GRIN2B: variants seen among roughly 807,000 people sequenced by gnomAD.
GRIN2B encodes the protein glutamate receptor ionotropic, NMDA 2B.
GRIN2B carries 5 observed loss-of-function variants against 114.5 expected under a neutral mutation model. The observed-to-expected ratio is 0.04, with a 90% CI of 0.02 to 0.09. GRIN2B has a LOEUF of 0.09. Ranked by LOEUF, GRIN2B falls within the 10% of genes least tolerant of loss-of-function variation. GRIN2B has a pLI of 1.00. For missense variants in GRIN2B, 1,108 were observed against 1,943.5 expected (o/e 0.57, Z 8.08); for synonymous variants, 787 against 745.1 (o/e 1.06, Z -0.92).
chr12:13,586,544 T>C (rs1948927871), intron 10 of GRIN2B, among the ~76,000 whole-genome samples: 1 of 152,160 alleles, frequency 6.6e-6, no homozygotes, highest in Non-Finnish European at 1.5e-5. Context: ...TGTGCCTGTC[T>C]CACACAGGAG....
At chr12:13,734,950 ATGT>A (rs748999745) in intron 4 of GRIN2B, among the ~76,000 whole-genome samples, 4 of 152,160 alleles carry the variant, frequency 2.6e-5, no homozygotes, top group African/African-American at 7.2e-5. Context: ...ATGTTATTTG[ATGT>A]TGTGAGATCA....
intron 3 of GRIN2B, among the ~76,000 whole-genome samples, chr12:13,806,061 CCTT>C (rs1864594363): frequency 6.6e-6 from 1 of 152,128 alleles, no homozygotes. Context: ...GACACAACTT[CCTT>C]CTTTTTTAAG....
At chr12:13,781,710 T>C (rs1289227763) in intron 3 of GRIN2B, among the ~76,000 whole-genome samples, 2 of 152,146 alleles carry the variant, frequency 1.3e-5, no homozygotes, top group East Asian at 3.9e-4. Flanking sequence ...AAATGCCAAT[T>C]ATAGCACAGT....
intron 3 of GRIN2B, among the ~76,000 whole-genome samples, chr12:13,839,939 T>C (rs1394844439): frequency 6.6e-6 from 1 of 152,218 alleles, no homozygotes; most frequent in Non-Finnish European, 1.5e-5. Context: ...TATGCATGTA[T>C]ATTTATCCCA....
In GRIN2B at chr12:13,552,875, CAATGA is replaced by C. The variant is rs1386322717; in HGVS notation, c.*9903_*9907del. ...ATAATTGTCCTACCCACTCCTGTCTCAATGAAGAGTGGACTTTCTTCACTTTTTTT... is the reference window on the plus strand; with the variant it reads ...ATAATTGTCCTACCCACTCCTGTCTCAGAGTGGACTTTCTTCACTTTTTTT... On this transcript the variant is annotated 3_prime_UTR_variant, in exon 14 of 14. Transcript: ENST00000609686. 1.3e-5 allele frequency: 2 copies of C among 152,102 alleles called. No homozygotes were observed. The highest frequency in any genetic ancestry group is 4.8e-5 in the African/African-American group (2 of 41,414). 9.4% of individuals were successfully genotyped at this position (152,102 alleles called of 1,614,324 possible).
intron 10 of GRIN2B, among the ~76,000 whole-genome samples, chr12:13,598,403 T>A (rs1469985348): frequency 6.6e-6 from 1 of 152,046 alleles, no homozygotes; most frequent in Non-Finnish European, 1.5e-5. Flanking sequence ...GAGAAACAGA[T>A]CTATCTGGCC....
At chr12:13,633,367 A>G (rs1417869269) in intron 5 of GRIN2B, among the ~76,000 whole-genome samples, 1 of 152,212 alleles carries the variant, frequency 6.6e-6, no homozygotes, top group East Asian at 1.9e-4. Context: ...AATGTTTGAG[A>G]ACTGCTGGTT....
At chr12:13,825,595 C>A (rs1270026375) in intron 3 of GRIN2B, among the ~76,000 whole-genome samples, 1 of 149,714 alleles carries the variant, frequency 6.7e-6, no homozygotes, top group Non-Finnish European at 1.5e-5. Context: ...CGGCTCACTG[C>A]AACCTCCACT....
intron 4 of GRIN2B, among the ~76,000 whole-genome samples, chr12:13,693,509 C>T (rs1950232159): frequency 1.3e-5 from 2 of 152,206 alleles, no homozygotes; most frequent in South Asian, 4.2e-4. Context: ...CAGCAGCACT[C>T]GTGGAGAGCC....
In GRIN2B at chr12:13,980,077, A is replaced by C. The variant is rs200805170; in HGVS notation, c.-168T>G. 1 of 152,320 alleles carries C rather than the reference A, an allele frequency of 6.6e-6. No homozygotes were observed. Among genetic ancestry groups the C allele is most frequent in the African/African-American group, 2.4e-5 (1 of 41,564 alleles). 9.4% of individuals were successfully genotyped at this position (152,320 alleles called of 1,614,324 possible). ...ATAATTTAAAATCCAATTTAGCGTA[A>C]ATTTTGTTTTAATCTTGTGTCTTGA... On this transcript the variant is annotated 5_prime_UTR_variant, in exon 2 of 14. The change creates a new upstream start codon in the 5' untranslated region. Transcript: ENST00000609686.
intron 3 of GRIN2B, among the ~76,000 whole-genome samples, chr12:13,775,350 G>C (rs1490305197): frequency 6.6e-6 from 1 of 152,194 alleles, no homozygotes; most frequent in Non-Finnish European, 1.5e-5. Flanking sequence ...ATCATCTACA[G>C]GCTGTTTATT....
chr12:13,774,946 T>C (rs750540844), intron 3 of GRIN2B, among the ~76,000 whole-genome samples: 2 of 152,130 alleles, frequency 1.3e-5, no homozygotes, highest in African/African-American at 2.4e-5. Context: ...CATGTGATCA[T>C]GAATCAGGAA....
At chr12:13,879,687 G>A (rs1866041451) in intron 2 of GRIN2B, among the ~76,000 whole-genome samples, 1 of 152,202 alleles carries the variant, frequency 6.6e-6, no homozygotes, top group Admixed American at 6.5e-5. Flanking sequence ...TCAGGCCTGA[G>A]TGACCATGTC....
intron 4 of GRIN2B, among the ~76,000 whole-genome samples, chr12:13,728,997 A>G (rs546692670): frequency 2.0e-5 from 3 of 152,312 alleles, no homozygotes; most frequent in African/African-American, 7.2e-5. Context: ...CTCTCCATAC[A>G]CAAGTATCTT....
intron 10 of GRIN2B, among the ~76,000 whole-genome samples, chr12:13,592,396 T>C (rs1457728472): frequency 6.6e-6 from 1 of 152,164 alleles, no homozygotes; most frequent in Non-Finnish European, 1.5e-5. Flanking sequence ...CATGACCCTA[T>C]AAAACTCCCC....
chr12:13,842,211 G>T (rs1338837595), intron 3 of GRIN2B, among the ~76,000 whole-genome samples: 1 of 152,096 alleles, frequency 6.6e-6, no homozygotes, highest in Non-Finnish European at 1.5e-5. Context: ...AGCCACATAG[G>T]GGTTTCATTA....
chr12:13,744,821 C>T (rs1185653763), intron 4 of GRIN2B, among the ~76,000 whole-genome samples: 3 of 152,254 alleles, frequency 2.0e-5, no homozygotes, highest in South Asian at 2.1e-4. Context: ...CATGTCCTCC[C>T]GGAAGAGGAC....
intron 5 of GRIN2B, among the ~76,000 whole-genome samples, chr12:13,667,427 T>A (rs1949987742): frequency 1.3e-5 from 2 of 152,106 alleles, no homozygotes; most frequent in Non-Finnish European, 2.9e-5. Flanking sequence ...TTTTAACATT[T>A]AGGGACATTG....
rs550569106 is a variant in GRIN2B at position 13,936,492 on chromosome 12, G to A, written c.-19+43436C>T. ...ACCAAGTTAGAGGGACTTGGAAAAT[G>A]CCATGAGTTTTCCACAGATATGTAA... On this transcript the variant is annotated intron_variant, in intron 2 of 13. Coordinates refer to ENST00000609686, the MANE Select transcript of GRIN2B (RefSeq NM_000834.5). Among the ~76,000 whole-genome samples the A allele has an allele frequency of 2.0e-5, 3 of 152,290 alleles. No individual in the cohort carries two copies. The South Asian group carries it at 6.2e-4, about 32-fold the overall frequency.
Sources: gnomAD v4.1 joint callset for allele counts (sites outside exome capture counted in the v4.1 genomes callset) on GRCh38, gnomAD v4.1.1 for gene constraint, MANE v1.5 for transcripts, NCBI Gene and HGNC (gene_info 2026-07-23, HGNC 2026-07-21) for gene names.